Variants in UAP1 observed in about 807,000 individuals in gnomAD.
UAP1 encodes the protein UDP-N-acetylhexosamine pyrophosphorylase.
A neutral mutation model predicts 58.5 loss-of-function variants in UAP1; 25 were observed. That is an observed-to-expected ratio of 0.43 (90% CI 0.31 to 0.60). UAP1 has a LOEUF of 0.60. UAP1 is among the 20% of genes least tolerant of loss of function. The pLI, the probability that UAP1 is intolerant of heterozygous loss-of-function variation, is 0.11. For missense variants in UAP1, 575 were observed against 630.0 expected (o/e 0.91, Z 0.93); for synonymous variants, 208 against 213.0 (o/e 0.98, Z 0.21).
At chr1:162,570,937 A>T (rs1653819314) in intron 2 of UAP1, among the ~76,000 whole-genome samples, 1 of 152,156 alleles carries the variant, frequency 6.6e-6, no homozygotes, top group Non-Finnish European at 1.5e-5. Context: ...GAAGTTATCC[A>T]GGAAGCATTT....
rs1193036059 is a variant in UAP1, at chr1:162,581,466, C to T, written c.834+7C>T. Reference sequence around the variant, plus strand: ...AGCAGACTGTGGAGCAAAGGTAATGCCTTTCTCAACTATGGTGAGGCTTTT... The same window carrying T: ...AGCAGACTGTGGAGCAAAGGTAATGTCTTTCTCAACTATGGTGAGGCTTTT... On this transcript the variant is annotated splice_region_variant and intron_variant, in intron 5 of 10. Coordinates refer to ENST00000271469, the Ensembl canonical transcript of UAP1. The T allele has an allele frequency of 9.9e-6, 16 of 1,611,430 alleles. No homozygotes were observed. Among genetic ancestry groups the T allele is most frequent in the African/African-American group, 1.3e-5 (1 of 74,870 alleles).
In UAP1 at chr1:162,589,628, G is replaced by A. The variant is rs182945756; in HGVS notation, c.1170-695G>A. On this transcript the variant is annotated intron_variant, in intron 7 of 10. Coordinates refer to ENST00000271469, the Ensembl canonical transcript of UAP1. ...CTCTATAAAGATCACATTTGATGTT[G>A]AGATGCTTGTCTCAGAATTTGACGA... Among the ~76,000 whole-genome samples the A allele has an allele frequency of 1.6e-4, 24 of 152,214 alleles. No individual in the cohort carries two copies. In the East Asian group the frequency reaches 4.6e-3, roughly 29 times the overall value.
At chr1:162,587,543 G>T in exon 6 of UAP1, 1 of 1,614,036 alleles carries the variant, frequency 6.2e-7, no homozygotes, top group Non-Finnish European at 8.5e-7. Context: ...TTTACCAGGT[G>T]GTAGAATATA....
chr1:162,599,429 C>A, exon 11 of UAP1: 1 of 1,028,002 alleles, frequency 9.7e-7, no homozygotes, highest in Non-Finnish European at 1.5e-6. Context: ...CAACTGTGAA[C>A]CTACAAGACG....
At position 162,562,220 on chromosome 1, in the gene UAP1, A is replaced by G. The variant is rs568180494; in HGVS notation, c.-58+443A>G. 1.6e-4 allele frequency among the ~76,000 whole-genome samples: 25 copies of G among 151,920 alleles called. No homozygotes were observed. The East Asian group carries it at 4.5e-3, about 27-fold the overall frequency. On this transcript the variant is annotated intron_variant, in intron 1 of 10. Transcript: ENST00000271469. The stretch of plus-strand genomic sequence containing the variant: ...CTAGGGCCTTGTGGACAGTTATACC[A>G]AGTGTGGGGGCCTGTAGTGGGACAG...
chr1:162,580,389 A>G (rs546902886), intron 4 of UAP1, among the ~76,000 whole-genome samples: 12 of 152,250 alleles, frequency 7.9e-5, no homozygotes, highest in East Asian at 1.9e-4. Context: ...CATACAGTCT[A>G]TGATTAGGGC....
chr1:162,564,103 T>G (rs1653346195), intron 1 of UAP1, among the ~76,000 whole-genome samples: 1 of 152,180 alleles, frequency 6.6e-6, no homozygotes, highest in Non-Finnish European at 1.5e-5. Context: ...TTTAATGTGA[T>G]TTTTTAAAAT....
chr1:162,569,840 T>C (rs867169157), intron 2 of UAP1, among the ~76,000 whole-genome samples: 1 of 152,180 alleles, frequency 6.6e-6, no homozygotes, highest in Middle Eastern at 3.2e-3. Context: ...ATGTTTTTAA[T>C]AGATTTGTTT....
chr1:162,592,602 G>C, intron 8 of UAP1, 130 bp from the exon 9 acceptor site: 1 of 678,454 alleles, frequency 1.5e-6, no homozygotes, highest in Middle Eastern at 4.0e-4. Flanking sequence ...ACCCCCTTTT[G>C]GTCTCTTGGG....
intron 5 of UAP1, among the ~76,000 whole-genome samples, chr1:162,584,395 A>G (rs1489227556): frequency 6.6e-6 from 1 of 152,220 alleles, no homozygotes. Flanking sequence ...AAGAAAATCA[A>G]AGCATTAAAA....
At chr1:162,561,924 C>T (rs1208478629) in intron 1 of UAP1, 147 bp downstream of exon 1, 3 of 152,566 alleles carry the variant, frequency 2.0e-5, no homozygotes, top group Non-Finnish European at 4.4e-5. Flanking sequence ...GAGCACACGC[C>T]GAGGAGCCTC....
intron 4 of UAP1, 152 bp from the exon 5 acceptor site, chr1:162,581,135 C>T (rs1654561587): frequency 1.3e-6 from 1 of 781,080 alleles, no homozygotes; most frequent in Non-Finnish European, 2.0e-6. Context: ...ATTTTTTTGA[C>T]ACCTGATTCC....
chr1:162,583,672 T>C (rs1654739298), intron 5 of UAP1, among the ~76,000 whole-genome samples: 1 of 152,066 alleles, frequency 6.6e-6, no homozygotes, highest in Non-Finnish European at 1.5e-5. Flanking sequence ...CTCTGTTGCC[T>C]AGGCTGGATT....
chr1:162,600,704 T>C (rs530779396), downstream of UAP1, among the ~76,000 whole-genome samples: 3 of 152,258 alleles, frequency 2.0e-5, no homozygotes, highest in South Asian at 2.1e-4. Flanking sequence ...ACCTATTTTT[T>C]TTTTAACTAA....
chr1:162,563,435 G>A (rs1653291516), intron 1 of UAP1, among the ~76,000 whole-genome samples: 1 of 151,972 alleles, frequency 6.6e-6, no homozygotes, highest in Non-Finnish European at 1.5e-5. Context: ...CGTGATGTCG[G>A]CTTACTACAA....
At chr1:162,599,410 T>C (rs1195738228) in exon 11 of UAP1, 1 of 1,250,006 alleles carries the variant, frequency 8.0e-7, no homozygotes, top group East Asian at 2.4e-5. Context: ...GCTTTTATTT[T>C]TGATAGACCA....
At chr1:162,588,743 A>C in exon 7 of UAP1, 1 of 1,612,552 alleles carries the variant, frequency 6.2e-7, no homozygotes, top group Non-Finnish European at 8.5e-7. Context: ...AAGATTCCTT[A>C]TGTGGATACC....
At chr1:162,591,633 C>T (rs1571090735) in intron 8 of UAP1, among the ~76,000 whole-genome samples, 1 of 152,034 alleles carries the variant, frequency 6.6e-6, no homozygotes, top group East Asian at 2.0e-4. Flanking sequence ...TTACACTCGC[C>T]TGCCATAAAG....
chr1:162,579,938 C>T (rs1654480359), intron 4 of UAP1, among the ~76,000 whole-genome samples: 2 of 152,202 alleles, frequency 1.3e-5, no homozygotes, highest in African/African-American at 4.8e-5. Context: ...AATCTCGGCT[C>T]ACTGCAACCT....
Sources: gnomAD v4.1 joint callset for allele counts (sites outside exome capture counted in the v4.1 genomes callset) on GRCh38, gnomAD v4.1.1 for gene constraint, MANE v1.5 for transcripts, NCBI Gene and HGNC (gene_info 2026-07-23, HGNC 2026-07-21) for gene names.